The following HUWE1 variants were observed in gnomAD, a reference collection of about 807,000 sequenced individuals.
The protein encoded by HUWE1 is HECT, UBA and WWE domain containing E3 ubiquitin protein ligase 1, also known as E3 ubiquitin-protein ligase HUWE1.
HUWE1 carries 18 observed loss-of-function variants against 299.4 expected under a neutral mutation model. That is an observed-to-expected ratio of 0.06 (90% CI 0.04 to 0.09). The LOEUF is 0.09. Among genes scored for constraint, HUWE1 ranks in the 10% least tolerant of loss-of-function variants. HUWE1 has a pLI of 1.00. For synonymous variants in HUWE1, 1,317 were observed against 1,286.1 expected, an observed-to-expected ratio of 1.02 and a Z score of -0.51; for missense variants, 1,832 against 3,462.3, an observed-to-expected ratio of 0.53 and a Z score of 11.82.
Position 53,534,511 on chromosome X carries a change from C to G in HUWE1, c.12831+5G>C, listed in dbSNP as rs1248683829. On this transcript the variant is annotated splice_donor_5th_base_variant and intron_variant, in intron 82 of 83. Coordinates refer to ENST00000262854, the MANE Select transcript of HUWE1 (RefSeq NM_031407.7). ...ATATGAGGAGGGATGCCAGCAGCAG[C>G]TCACCTGAATAGAGTTGGACTGGTA... is the stretch of plus-strand genomic sequence containing the variant. 2 of 1,202,839 alleles carry G rather than the reference C, an allele frequency of 1.7e-6. No homozygotes were observed. The highest frequency in any genetic ancestry group is 2.2e-6 in the Non-Finnish European group (2 of 889,848).
At chrX:53,574,977 T>G (rs1437943413) in intron 46 of HUWE1, among the ~76,000 whole-genome samples, 178 bp downstream of exon 46, 2 of 112,555 alleles carry the variant, frequency 1.8e-5, no homozygotes, top group Admixed American at 9.4e-5. Context: ...TCCATTAACT[T>G]TAGCATATAG....
intron 15 of HUWE1, 31 bp downstream of exon 15, chrX:53,628,461 GT>G (rs782715774): frequency 1.0e-6 from 1 of 982,869 alleles, no homozygotes. Context: ...TCCCCATGTA[GT>G]TTAAAAAAAA....
chrX:53,620,990 T>C (rs1236556743), intron 19 of HUWE1, among the ~76,000 whole-genome samples: 1 of 111,797 alleles, frequency 8.9e-6, no homozygotes, highest in African/African-American at 3.3e-5. Context: ...ATGAAGGTCT[T>C]AGTCTCTCTG....
chrX:53,628,698 A>G (rs1009464429), intron 14 of HUWE1, 54 bp downstream of exon 14: 13 of 1,205,492 alleles, frequency 1.1e-5, no homozygotes, highest in African/African-American at 1.8e-5. Flanking sequence ...TAAAAAGACA[A>G]AGGCAGAGGG....
At chrX:53,636,587 T>C (rs1349223867) in intron 7 of HUWE1, among the ~76,000 whole-genome samples, 8 of 111,145 alleles carry the variant, frequency 7.2e-5, no homozygotes, top group Non-Finnish European at 1.5e-4. Flanking sequence ...GCCAGGCATG[T>C]GGTGCATGCC....
At chrX:53,566,139 A>ATATATG (rs2062548386) in intron 49 of HUWE1, among the ~76,000 whole-genome samples, 8 of 83,619 alleles carry the variant, frequency 9.6e-5, no homozygotes, top group Non-Finnish European at 1.8e-4. Flanking sequence ...GTGTGTATAT[A>ATATATG]TATATATATA....
intron 47 of HUWE1, among the ~76,000 whole-genome samples, chrX:53,572,198 TAC>T (rs1556952317): frequency 6.3e-5 from 7 of 110,308 alleles, no homozygotes; most frequent in Non-Finnish European, 1.3e-4. Flanking sequence ...AAAAAGAGAG[TAC>T]ATTCTATGAG....
At chrX:53,656,759 TAAAAG>T (rs1370113885) in intron 3 of HUWE1, among the ~76,000 whole-genome samples, 2 of 110,360 alleles carry the variant, frequency 1.8e-5, no homozygotes, top group Non-Finnish European at 3.8e-5. Flanking sequence ...TGGAAAAAAA[TAAAAG>T]AGGGAGGAAT....
In HUWE1 at chrX:53,560,412, G is replaced by C. The variant is rs782682728; in HGVS notation, c.7512C>G (p.Asp2504Glu). 3.3e-6 allele frequency: 4 copies of C among 1,207,087 alleles called. No homozygotes were observed. ...EFDNMFSSAT[D>E]IPPSPGNIPT... Reference sequence around the variant, plus strand: ...GGATATTTCCTGGGGATGGGGGGATGTCTGCTGCAAGGACAATATGTAAAA... The same window carrying C: ...GGATATTTCCTGGGGATGGGGGGATCTCTGCTGCAAGGACAATATGTAAAA... Residue 2504 changes from aspartate (D) to glutamate (E), a missense_variant, in exon 56 of 84, where the codon GAC becomes GAG. Physicochemically the swap from Asp to Glu is conservative, Grantham distance 45. Coordinates refer to ENST00000262854, the MANE Select transcript of HUWE1 (RefSeq NM_031407.7).
chrX:53,672,639 T>TA (rs1398820301), intron 3 of HUWE1, among the ~76,000 whole-genome samples: 3 of 111,478 alleles, frequency 2.7e-5, no homozygotes, highest in African/African-American at 6.5e-5. Flanking sequence ...TGAGAAAAAT[T>TA]AAACACACAT....
intron 49 of HUWE1, among the ~76,000 whole-genome samples, chrX:53,565,911 G>A (rs1473251148): frequency 4.6e-5 from 5 of 108,658 alleles, no homozygotes; most frequent in African/African-American, 1.7e-4. Context: ...TTGAAGTCCT[G>A]TGAATTTCAA....
At chrX:53,656,542 C>CA (rs1275218246) in intron 3 of HUWE1, among the ~76,000 whole-genome samples, 1,328 of 13,323 alleles carry the variant, frequency 0.1, 140 homozygotes, top group African/African-American at 0.22. Context: ...ACTCCAGTCT[C>CA]AAAAAAAAAA....
chrX:53,552,196 C>T, intron 63 of HUWE1, 115 bp downstream of exon 63: 1 of 880,257 alleles, frequency 1.1e-6, no homozygotes, highest in Non-Finnish European at 1.7e-6. Context: ...TGTCAGTCCT[C>T]CCACATACAT....
At chrX:53,561,248 T>C (rs1476707078) in intron 55 of HUWE1, among the ~76,000 whole-genome samples, 4 of 112,002 alleles carry the variant, frequency 3.6e-5, no homozygotes, top group Non-Finnish European at 5.6e-5. Flanking sequence ...CGATTCTAAC[T>C]TGACGCTAAA....
In HUWE1 at chrX:53,645,737, ATATATATATATATATATATATATATAT is replaced by A. The variant is rs1167577981; in HGVS notation, c.352-301_352-275del. Reference sequence around the variant, plus strand: ...CAAAAAAAGAAAAAAAAAAAAAAAAATATATATATATATATATATATATATATATATATATATATGTATTTGATAATC... The same window carrying A: ...CAAAAAAAGAAAAAAAAAAAAAAAAAATATATATATATGTATTTGATAATC... On this transcript the variant is annotated intron_variant, in intron 6 of 83. Transcript: ENST00000262854. 2.6e-4 allele frequency among the ~76,000 whole-genome samples: 10 copies of A among 38,309 alleles called. 1 individual carries two copies. Among genetic ancestry groups the A allele is most frequent in the Middle Eastern group, 0.022 (1 of 46 alleles). The allele number at this position is 38,309 out of a possible 115,157, so 33.3% of individuals were successfully genotyped here.
chrX:53,641,300 T>C (rs1215413032), intron 7 of HUWE1, among the ~76,000 whole-genome samples: 1 of 111,847 alleles, frequency 8.9e-6, no homozygotes, highest in Non-Finnish European at 1.9e-5. Flanking sequence ...AAAACCACTA[T>C]AGCTTTATGA....
intron 81 of HUWE1, 80 bp from the exon 82 acceptor site, chrX:53,534,777 T>C: frequency 1.1e-6 from 1 of 877,027 alleles, no homozygotes; most frequent in Non-Finnish European, 1.6e-6. Context: ...CTGGCTCCCA[T>C]CTACCACTGT....
At chrX:53,645,959 G>A (rs782148410) in intron 6 of HUWE1, among the ~76,000 whole-genome samples, 2 of 108,497 alleles carry the variant, frequency 1.8e-5, no homozygotes, top group Admixed American at 9.9e-5. Context: ...GTCTCTAACT[G>A]GACTAAAAGT....
chrX:53,557,522 G>A (rs2062077845), intron 59 of HUWE1, 95 bp from the exon 60 acceptor site: 2 of 670,331 alleles, frequency 3.0e-6, no homozygotes, highest in African/African-American at 4.3e-5. Flanking sequence ...AGACCATCTA[G>A]GAGTTCAGTG....
Sources: allele counts gnomAD v4.1 joint callset (sites outside exome capture counted in the v4.1 genomes callset), GRCh38; gene constraint gnomAD v4.1.1; transcripts MANE v1.5; gene names NCBI Gene and HGNC (gene_info 2026-07-23, HGNC 2026-07-21).